PRKAG2: variants seen among roughly 807,000 people sequenced by gnomAD.
PRKAG2 encodes the protein protein kinase AMP-activated non-catalytic subunit gamma 2, also known as 5'-AMP-activated protein kinase subunit gamma-2.
PRKAG2 carries 26 observed loss-of-function variants against 69.6 expected under a neutral mutation model. The ratio of observed to expected loss-of-function variants is 0.37; its 90% CI spans 0.27 to 0.52. PRKAG2 has a LOEUF of 0.52. Among genes scored for constraint, PRKAG2 ranks in the 20% least tolerant of loss-of-function variants. PRKAG2 has a pLI of 0.90. For missense variants in PRKAG2, 557 were observed against 740.0 expected (o/e 0.75, Z 2.87); for synonymous variants, 293 against 285.0 (o/e 1.03, Z -0.28).
chr7:151,726,217 T>C (rs1353544909), intron 3 of PRKAG2, among the ~76,000 whole-genome samples: 4 of 152,040 alleles, frequency 2.6e-5, no homozygotes, highest in Middle Eastern at 3.2e-3. Context: ...TCAGCAGAAA[T>C]GCATGCTGAG....
intron 1 of PRKAG2, among the ~76,000 whole-genome samples, chr7:151,832,599 G>GA (rs1394677802): frequency 1.3e-5 from 2 of 151,532 alleles, no homozygotes; most frequent in African/African-American, 2.4e-5. Flanking sequence ...CATCTCTGGG[G>GA]GGGGGGTCCC....
intron 6 of PRKAG2, among the ~76,000 whole-genome samples, chr7:151,593,312 C>T (rs753852659): frequency 1.4e-4 from 22 of 152,170 alleles, no homozygotes; most frequent in African/African-American, 1.9e-4. Context: ...CTCAGCCTCC[C>T]GAGTAGCTGG....
At chr7:151,752,597 A>G (rs1460367689) in intron 3 of PRKAG2, among the ~76,000 whole-genome samples, 1 of 152,222 alleles carries the variant, frequency 6.6e-6, no homozygotes, top group African/African-American at 2.4e-5. Flanking sequence ...TGATAATGAG[A>G]AATAACATGG....
intron 3 of PRKAG2, chr7:151,735,838 A>G: frequency 1.3e-6 from 2 of 1,531,926 alleles, no homozygotes; most frequent in Non-Finnish European, 1.7e-6. Context: ...GTGTGCACAC[A>G]CGCCGTGGGG....
At chr7:151,557,601 G>A in intron 15 of PRKAG2, 2 of 982,218 alleles carry the variant, frequency 2.0e-6, no homozygotes, top group Non-Finnish European at 2.4e-6. Context: ...CGGGCGCGGT[G>A]GCTCACATCT....
Position 151,814,758 on chromosome 7 carries a change from C to T in PRKAG2, c.115-28217G>A. ...ACAGCGCAGGCAACGGTCTTGGTGG[C>T]TGGAGCTGCTTTGCTGCTCAAAATG... On this transcript the variant is annotated intron_variant, in intron 1 of 15. Transcript: ENST00000287878. The surrounding 1 kb of genome is among the most constrained non-coding windows in gnomAD (Gnocchi z 4.8). The T allele has an allele frequency of 8.1e-7, 1 of 1,231,820 alleles. No homozygotes were observed. Among genetic ancestry groups the T allele is most frequent in the Non-Finnish European group, 1.0e-6 (1 of 988,014 alleles). 76.3% of individuals were successfully genotyped at this position (1,231,820 alleles called of 1,614,324 possible).
chr7:151,645,002 T>C (rs1711514745), intron 4 of PRKAG2, among the ~76,000 whole-genome samples: 1 of 151,846 alleles, frequency 6.6e-6, no homozygotes, highest in Admixed American at 6.6e-5. Context: ...ATCTTTTGTC[T>C]ATTTATTTAT....
intron 3 of PRKAG2, among the ~76,000 whole-genome samples, chr7:151,707,018 C>T (rs180714903): frequency 6.6e-6 from 1 of 152,224 alleles, no homozygotes; most frequent in Non-Finnish European, 1.5e-5. Flanking sequence ...CCTTCCCCCT[C>T]GGCTGCGTCC....
intron 3 of PRKAG2, among the ~76,000 whole-genome samples, chr7:151,763,329 T>C (rs1480297824): frequency 6.6e-6 from 1 of 151,812 alleles, no homozygotes; most frequent in African/African-American, 2.4e-5. Context: ...CGGCACAGAG[T>C]CGAGCACACG....
chr7:151,587,528 A>AT (rs1811983117), intron 6 of PRKAG2, among the ~76,000 whole-genome samples: 3 of 152,170 alleles, frequency 2.0e-5, no homozygotes, highest in Non-Finnish European at 4.4e-5. Flanking sequence ...CAGGTAATGG[A>AT]GAGTGGTAAG....
rs547007537 is a variant in PRKAG2, at chr7:151,755,037, C to T, written c.466+26115G>A. Among the ~76,000 whole-genome samples the T allele has an allele frequency of 5.8e-4, 88 of 152,218 alleles. 1 individual carries two copies. Among genetic ancestry groups the T allele is most frequent in the African/African-American group, 2.1e-3 (86 of 41,540 alleles). On this transcript the variant is annotated intron_variant, in intron 3 of 15. Coordinates refer to ENST00000287878, the MANE Select transcript of PRKAG2 (RefSeq NM_016203.4). Reference sequence around the variant, plus strand: ...GGGCCTGACAAAGGGGCGATGGAGACCCCGTGAAGCCCCGACAGAGAGTTC... The same window carrying T: ...GGGCCTGACAAAGGGGCGATGGAGATCCCGTGAAGCCCCGACAGAGAGTTC...
chr7:151,564,705 A>G (rs529310339), intron 13 of PRKAG2, among the ~76,000 whole-genome samples: 1 of 152,186 alleles, frequency 6.6e-6, no homozygotes, highest in African/African-American at 2.4e-5. Flanking sequence ...CAGAGGAAGA[A>G]CAGGCTTGAG....
At chr7:151,867,659 C>CT (rs1013331849) in intron 1 of PRKAG2, among the ~76,000 whole-genome samples, 1 of 152,042 alleles carries the variant, frequency 6.6e-6, no homozygotes, top group African/African-American at 2.4e-5. Context: ...GGACTTCGAC[C>CT]TTTTTTTTGG....
At chr7:151,575,088 A>G (rs1808572435) in intron 7 of PRKAG2, 139 bp from the exon 8 acceptor site, 1 of 1,257,042 alleles carries the variant, frequency 8.0e-7, no homozygotes, top group Non-Finnish European at 1.1e-6. Context: ...TTAATATATT[A>G]TTTAAAACTA....
At position 151,777,597 on chromosome 7, in the gene PRKAG2, A is replaced by G. The variant is rs2076443208; in HGVS notation, c.466+3555T>C. 6.6e-6 allele frequency among the ~76,000 whole-genome samples: 1 copy of G among 152,176 alleles called. No homozygotes were observed. Among genetic ancestry groups the G allele is most frequent in the African/African-American group, 2.4e-5 (1 of 41,450 alleles). ...TTCGCCTTCCTCCATGAGTGGAAGC[A>G]GCCTGAAGCCCTTGCAAACACCTTG... On this transcript the variant is annotated intron_variant, in intron 3 of 15. Coordinates refer to ENST00000287878, the MANE Select transcript of PRKAG2 (RefSeq NM_016203.4). This position sits in a 1 kb window ranked among gnomAD's most constrained non-coding sequence, Gnocchi z 4.3.
Position 151,772,218 on chromosome 7 carries a change from G to C in PRKAG2, c.466+8934C>G, listed in dbSNP as rs56222071. ...CAGGAAATCTGAAGAGGTGTCTGGA[G>C]AGGCTGCCTGGGAGCCAGCGGTGTG... On this transcript the variant is annotated intron_variant, in intron 3 of 15. Coordinates refer to ENST00000287878, the MANE Select transcript of PRKAG2 (RefSeq NM_016203.4). Among the ~76,000 whole-genome samples the C allele has an allele frequency of 2.3e-3, 348 of 152,288 alleles. 4 individuals carry two copies. Among genetic ancestry groups the C allele is most frequent in the African/African-American group, 8.1e-3 (335 of 41,566 alleles).
chr7:151,725,312 G>A (rs996252834), intron 3 of PRKAG2, among the ~76,000 whole-genome samples: 11 of 152,060 alleles, frequency 7.2e-5, no homozygotes, highest in South Asian at 6.3e-4. Context: ...GTCTGATTCC[G>A]CTGACGAGAG....
At chr7:151,864,199 G>A (rs539873764) in intron 1 of PRKAG2, among the ~76,000 whole-genome samples, 3 of 152,290 alleles carry the variant, frequency 2.0e-5, no homozygotes, top group South Asian at 2.1e-4. Context: ...CCACAGGGCC[G>A]GCAGATGGCA....
chr7:151,773,543 T>C (rs766227712), intron 3 of PRKAG2, among the ~76,000 whole-genome samples: 1 of 152,220 alleles, frequency 6.6e-6, no homozygotes, highest in African/African-American at 2.4e-5. Context: ...AGAGTTGCTA[T>C]GAAGATTGAA....
Sources: gnomAD v4.1 joint callset for allele counts (sites outside exome capture counted in the v4.1 genomes callset) on GRCh38, gnomAD v4.1.1 for gene constraint, Gnocchi (gnomAD v3.1) non-coding constraint, MANE v1.5 for transcripts, NCBI Gene and HGNC (gene_info 2026-07-23, HGNC 2026-07-21) for gene names.